The following BDP1 variants were observed in gnomAD, a reference collection of about 807,000 sequenced individuals.
BDP1 encodes the protein transcription factor TFIIIB component B'' homolog.
BDP1 carries 169 observed loss-of-function variants against 266.6 expected under a neutral mutation model. The ratio of observed to expected loss-of-function variants is 0.63; its 90% confidence interval spans 0.56 to 0.72. The LOEUF is 0.72. Among genes scored for constraint, BDP1 ranks in the 30% least tolerant of loss-of-function variants. BDP1 has a pLI of 0.00. For missense variants in BDP1, 3,015 were observed against 3,053.8 expected, an observed-to-expected ratio of 0.99 and a Z score of 0.30; for synonymous variants, 1,090 against 1,022.4, an observed-to-expected ratio of 1.07 and a Z score of -1.26.
In BDP1 at chr5:71,538,282, C is replaced by T. The variant is rs1248511375; in HGVS notation, c.5893-760C>T. ...TTGGTCTGTACTTTTCTTGTGATGT[C>T]AGGAGATGAAGTCCTACTCCCCTAG... On this transcript the variant is annotated intron_variant, in intron 26 of 38. Coordinates refer to ENST00000358731, the MANE Select transcript of BDP1 (RefSeq NM_018429.3). Among the ~76,000 whole-genome samples, 7 of 152,052 alleles carry T rather than the reference C, an allele frequency of 4.6e-5. 1 individual carries two copies. The highest frequency in any genetic ancestry group is 1.7e-4 in the African/African-American group (7 of 41,398).
At chr5:71,511,472 A>G in intron 17 of BDP1, 1 of 174,512 alleles carries the variant, frequency 5.7e-6, no homozygotes, top group Non-Finnish European at 1.2e-5. Flanking sequence ...AAGATAAAAT[A>G]AAAATAAATA....
At chr5:71,460,090 G>A (rs1761449672) in intron 2 of BDP1, among the ~76,000 whole-genome samples, 1 of 152,128 alleles carries the variant, frequency 6.6e-6, no homozygotes, top group Admixed American at 6.6e-5. Context: ...ACTTAAACTG[G>A]TGTCTTGGGC....
rs1337787651 is a variant in BDP1, at chr5:71,470,476, G to A, written c.1001G>A (p.Arg334Lys). ...GGACAACTTTTTCCTCACAGAGCAA[G>A]GATAGAAATTAAGGTAAAGTAAACC... ...MIGQLFPHRA[R>K]IEIKNKFKRE... is the part of the protein sequence containing the mutation. The change falls in exon 7 of 39, where the codon AGG (arginine) becomes AAG (lysine). Residue 334 changes from arginine to lysine, a missense_variant. Physicochemically the swap from Arg to Lys is conservative, Grantham distance 26. Around this residue, in one of 3 missense-constraint regions of BDP1, gnomAD observed 2,383 missense variants for 2,404.9 expected, o/e 0.99. Coordinates refer to ENST00000358731, the MANE Select transcript of BDP1 (RefSeq NM_018429.3). 6.2e-7 allele frequency: 1 copy of A among 1,608,124 alleles called. No homozygotes were observed. The highest frequency in any genetic ancestry group is 8.5e-7 in the Non-Finnish European group (1 of 1,175,954).
At chr5:71,490,239 G>C (rs1482754426) in intron 10 of BDP1, among the ~76,000 whole-genome samples, 5 of 152,158 alleles carry the variant, frequency 3.3e-5, no homozygotes, top group Non-Finnish European at 7.4e-5. Flanking sequence ...CAAGGAAAAG[G>C]TAGGAGCAGA....
intron 16 of BDP1, among the ~76,000 whole-genome samples, chr5:71,509,128 A>G (rs1764749980): frequency 6.6e-6 from 1 of 152,188 alleles, no homozygotes; most frequent in South Asian, 2.1e-4. Flanking sequence ...ACATACATCA[A>G]TCTAGCTCCA....
At position 71,502,803 on chromosome 5, in the gene BDP1, G is replaced by C; in HGVS notation, c.2241+12G>C. On this transcript the variant is annotated intron_variant, in intron 15 of 38. Transcript: ENST00000358731. ...GTGCTGATAGAGATGTAAGTACTCT[G>C]ATTCCTCCTCACATTTTTGGTAAGC... The C allele has an allele frequency of 2.5e-6, 4 of 1,601,174 alleles. No homozygotes were observed. Among genetic ancestry groups the C allele is most frequent in the Non-Finnish European group, 3.4e-6 (4 of 1,174,010 alleles).
intron 36 of BDP1, among the ~76,000 whole-genome samples, chr5:71,557,402 T>TTTTTTTG (rs1743301857): frequency 7.1e-6 from 1 of 141,088 alleles, no homozygotes; most frequent in African/African-American, 2.7e-5. Flanking sequence ...TTTTTTTTTT[T>TTTTTTTG]GAGACGGTGT....
intron 7 of BDP1, among the ~76,000 whole-genome samples, chr5:71,476,510 A>G (rs906162290): frequency 1.3e-5 from 2 of 150,532 alleles, no homozygotes; most frequent in African/African-American, 2.4e-5. Context: ...TGTTTTTTCC[A>G]TAGCCCCAAA....
chr5:71,497,520 T>A (rs1356614081), intron 13 of BDP1, 94 bp downstream of exon 13: 5 of 900,056 alleles, frequency 5.6e-6, no homozygotes, highest in Non-Finnish European at 8.4e-6. Context: ...TACAAAGTAC[T>A]GTTACTGATA....
the BDP1 span, among the ~76,000 whole-genome samples, chr5:71,576,572 T>C: frequency 6.6e-6 from 1 of 152,250 alleles, no homozygotes; most frequent in Non-Finnish European, 1.5e-5. Flanking sequence ...CAATAGTTCC[T>C]ACCCCCCTCC....
Position 71,510,337 on chromosome 5 carries a change from A to G in BDP1, c.3245A>G (p.Asp1082Gly), listed in dbSNP as rs1299155017. The change falls in exon 17 of 39, where the codon GAT becomes GGT. Residue 1082 changes from aspartate to glycine, a missense_variant. Asp to Gly is a moderately conservative substitution (Grantham distance 94). Transcript: ENST00000358731. ...AGGGGGAAGACACCAGAGGTGATTGATGCCATTGAGGAAATAGAGATAGAT... is the reference window on the plus strand; with the variant it reads ...AGGGGGAAGACACCAGAGGTGATTGGTGCCATTGAGGAAATAGAGATAGAT... The part of the protein sequence containing the change: ...FPRGKTPEVI[D>G]AIEEIEIDLE... The G allele has an allele frequency of 2.5e-6, 4 of 1,613,970 alleles. No homozygotes were observed. The highest frequency in any genetic ancestry group is 2.5e-6 in the Non-Finnish European group (3 of 1,179,990).
intron 4 of BDP1, among the ~76,000 whole-genome samples, chr5:71,464,822 G>T (rs1458194779): frequency 1.4e-5 from 2 of 144,512 alleles, no homozygotes; most frequent in African/African-American, 5.0e-5. Flanking sequence ...GGGTTCAAGC[G>T]ATTCTGCTGC....
chr5:71,464,085 T>C lies in BDP1; in HGVS notation c.627T>C (p.Thr209=). ...MTSSLEQEKK[T]EKPSTPVQTR... ...CTTCACTGGAACAAGAAAAGAAAAC[T>C]GAAAAGCCATCGACTCCAGTCCAGA... The change falls in exon 4 of 39, where the codon ACT becomes ACC. Residue 209 remains threonine (T), a synonymous_variant. Transcript: ENST00000358731. 1.3e-6 allele frequency: 2 copies of C among 1,580,274 alleles called. No individual in the cohort carries two copies. Among genetic ancestry groups the C allele is most frequent in the Non-Finnish European group, 1.7e-6 (2 of 1,161,224 alleles).
In BDP1 at chr5:71,510,384, A is replaced by G. The variant is rs763886546; in HGVS notation, c.3292A>G (p.Ile1098Val). 2.0e-5 allele frequency: 33 copies of G among 1,613,592 alleles called. No individual in the cohort carries two copies. The African/African-American group carries it at 4.1e-4, about 20-fold the overall frequency. ...EIDLEETERE[I>V]SPQENGLEEV... ...AGATTTGGAAGAAACTGAAAGAGAA[A>G]TATCCCCACAGGAAAATGGCCTAGA... The change falls in exon 17 of 39, where the codon ATA (isoleucine) becomes GTA (valine). Residue 1098 changes from isoleucine (I) to valine (V), a missense_variant. Physicochemically the swap from Ile to Val is conservative, Grantham distance 29. Coordinates refer to ENST00000358731, the MANE Select transcript of BDP1 (RefSeq NM_018429.3).
At position 71,510,260 on chromosome 5, in the gene BDP1, T is replaced by G; in HGVS notation, c.3168T>G (p.Pro1056=). The G allele has an allele frequency of 1.2e-6, 2 of 1,613,544 alleles. No homozygotes were observed. Among genetic ancestry groups the G allele is most frequent in the Non-Finnish European group, 1.7e-6 (2 of 1,179,942 alleles). Residue 1056 remains proline, a synonymous_variant, in exon 17 of 39, where the codon CCT becomes CCG. Transcript: ENST00000358731. ...PQENGLEEVK[P]LGEMETDLKA... Reference sequence around the variant, plus strand: ...AAAATGGACTAGAGGAGGTCAAGCCTCTAGGTGAAATGGAGACGGATTTGA... The same window carrying G: ...AAAATGGACTAGAGGAGGTCAAGCCGCTAGGTGAAATGGAGACGGATTTGA...
the BDP1 span, among the ~76,000 whole-genome samples, chr5:71,576,177 G>T: frequency 6.6e-6 from 1 of 152,084 alleles, no homozygotes; most frequent in African/African-American, 2.4e-5. Flanking sequence ...TGTTTTTCCT[G>T]TGCAGAGGCA....
chr5:71,559,239 G>A (rs1401376032), intron 36 of BDP1, among the ~76,000 whole-genome samples: 1 of 152,170 alleles, frequency 6.6e-6, no homozygotes, highest in African/African-American at 2.4e-5. Flanking sequence ...ACTGTAATAT[G>A]GTTACAGTTT....
intron 7 of BDP1, among the ~76,000 whole-genome samples, chr5:71,480,928 A>G (rs76449253): frequency 8.1e-4 from 123 of 152,112 alleles, no homozygotes; most frequent in East Asian, 7.0e-3. Context: ...TGTAGTCCCA[A>G]CACTTTGGGA....
At chr5:71,526,354 C>T (rs558704415) in intron 25 of BDP1, among the ~76,000 whole-genome samples, 15 of 151,282 alleles carry the variant, frequency 9.9e-5, no homozygotes, top group Non-Finnish European at 2.1e-4. Flanking sequence ...TGGTGGCTCA[C>T]GCCTATAATC....
Sources: allele counts gnomAD v4.1 joint callset (sites outside exome capture counted in the v4.1 genomes callset), GRCh38; gene constraint gnomAD v4.1.1; regional missense constraint gnomAD v4.1.1; transcripts MANE v1.5; gene names NCBI Gene and HGNC (gene_info 2026-07-23, HGNC 2026-07-21).